Variants in TMEM63C observed in about 807,000 individuals in gnomAD.
TMEM63C encodes transmembrane protein 63C.
A neutral mutation model predicts 99.2 loss-of-function variants in TMEM63C; 32 were observed. That is an observed-to-expected ratio of 0.32 (90% CI 0.24 to 0.43). The LOEUF (loss-of-function observed/expected upper bound fraction) is 0.43. Among genes scored for constraint, TMEM63C ranks in the 20% least tolerant of loss-of-function variants. The probability of loss-of-function intolerance (pLI) is 1.00; values close to 1 mark genes in which losing one functional copy is unlikely to be tolerated. For synonymous variants in TMEM63C, 376 were observed against 397.9 expected (o/e 0.94, Z 0.66); for missense variants, 826 against 1,053.0 (o/e 0.78, Z 2.98).
intron 6 of TMEM63C, among the ~76,000 whole-genome samples, chr14:77,229,026 T>G (rs568935828): frequency 6.6e-6 from 1 of 152,272 alleles, no homozygotes; most frequent in African/African-American, 2.4e-5. Context: ...CATCGGAAAA[T>G]GCTTGAGATT....
chr14:77,181,861 C>A lies in TMEM63C; in HGVS notation c.-110C>A, dbSNP rs553893571. On this transcript the variant is annotated 5_prime_UTR_variant, in exon 1 of 24. The change creates a new upstream start codon in the 5' untranslated region. Coordinates refer to ENST00000298351, the MANE Select transcript of TMEM63C (RefSeq NM_020431.4). ...CAGCCTGGCGGCCTGAGCGCCGAGC[C>A]TGGGGCTGGGGCCGCGGTGCTGAGG... is the stretch of plus-strand genomic sequence containing the variant. 1 of 151,682 alleles carries A rather than the reference C, an allele frequency of 6.6e-6. No individual in the cohort carries two copies. Among genetic ancestry groups the A allele is most frequent in the South Asian group, 2.1e-4 (1 of 4,728 alleles). The allele number at this position is 151,682 out of a possible 1,614,324, so 9.4% of individuals were successfully genotyped here.
At chr14:77,228,524 T>C (rs1363861120) in intron 6 of TMEM63C, among the ~76,000 whole-genome samples, 1 of 150,048 alleles carries the variant, frequency 6.7e-6, no homozygotes, top group East Asian at 2.0e-4. Context: ...TTTTGTAGTA[T>C]TGTTTAAAAA....
At chr14:77,210,632 G>T (rs980716581) in intron 1 of TMEM63C, among the ~76,000 whole-genome samples, 1 of 152,026 alleles carries the variant, frequency 6.6e-6, no homozygotes, top group Non-Finnish European at 1.5e-5. Context: ...CTGAGAGGGG[G>T]TCCCTCCGTG....
At chr14:77,188,536 G>A (rs1345228808) in intron 1 of TMEM63C, among the ~76,000 whole-genome samples, 1 of 152,154 alleles carries the variant, frequency 6.6e-6, no homozygotes, top group African/African-American at 2.4e-5. Flanking sequence ...TAAGGAAACA[G>A]CTCCAAGGGT....
chr14:77,219,590 C>T lies in TMEM63C; in HGVS notation c.230+13C>T, dbSNP rs369782717. On this transcript the variant is annotated intron_variant, in intron 4 of 23. Transcript: ENST00000298351. ...TACACAATGACAGGTGAGGAGGGGT[C>T]GAGATGGGTGAGCCGTTGCCCCCTT... The T allele has an allele frequency of 5.7e-5, 92 of 1,613,454 alleles. No individual in the cohort carries two copies. The highest frequency in any genetic ancestry group is 5.5e-5 in the Non-Finnish European group (65 of 1,179,650).
chr14:77,246,511 G>C, intron 17 of TMEM63C, 98 bp from the exon 18 acceptor site: 1 of 1,018,238 alleles, frequency 9.8e-7, no homozygotes, highest in Non-Finnish European at 1.5e-6. Flanking sequence ...ATAAAGCAAG[G>C]GTCTTTCTTT....
At chr14:77,238,516 C>T (rs1889101153) in intron 9 of TMEM63C, among the ~76,000 whole-genome samples, 178 bp from the exon 10 acceptor site, 1 of 152,212 alleles carries the variant, frequency 6.6e-6, no homozygotes, top group African/African-American at 2.4e-5. Flanking sequence ...GCTGGCACTT[C>T]CTTGGCCCAC....
At chr14:77,225,328 C>T (rs1271453711) in intron 5 of TMEM63C, 96 bp from the exon 6 acceptor site, 38 of 1,165,310 alleles carry the variant, frequency 3.3e-5, no homozygotes, top group South Asian at 7.5e-5. Context: ...GACGCTGCCG[C>T]GGCTGCCTCA....
At chr14:77,188,871 C>CTTG in intron 1 of TMEM63C, among the ~76,000 whole-genome samples, 1 of 152,062 alleles carries the variant, frequency 6.6e-6, no homozygotes, top group African/African-American at 2.4e-5. Context: ...AAAGACAGAC[C>CTTG]TCAACCTCAA....
At position 77,253,322 on chromosome 14, in the gene TMEM63C, C is replaced by T; in HGVS notation, c.2166C>T (p.Ile722=). The part of the protein sequence containing the change: ...VADYEPEEEE[I]QTVFDMEPSS... The stretch of plus-strand genomic sequence containing the variant: ...TGCTGCAGCCCGAGGAGGAGGAGAT[C>T]CAGACAGTGTTTGACATGGAGCCAA... The change falls in exon 23 of 24, where the codon ATC becomes ATT. Residue 722 remains isoleucine (I), a synonymous_variant. Transcript: ENST00000298351. 1 of 1,613,106 alleles carries T rather than the reference C, an allele frequency of 6.2e-7. No homozygotes were observed. Among genetic ancestry groups the T allele is most frequent in the Non-Finnish European group, 8.5e-7 (1 of 1,179,672 alleles).
intron 15 of TMEM63C, 40 bp from the exon 16 acceptor site, chr14:77,244,309 A>G (rs764823392): frequency 6.9e-7 from 1 of 1,457,382 alleles, no homozygotes; most frequent in Non-Finnish European, 9.6e-7. Flanking sequence ...GGATGCTTGC[A>G]TTGACGTCTC....
intron 7 of TMEM63C, among the ~76,000 whole-genome samples, chr14:77,233,140 G>T (rs396750): frequency 0.095 from 14,462 of 152,204 alleles, 776 homozygotes; most frequent in African/African-American, 0.13. Context: ...TCATCATTCT[G>T]CTCGTGGCTG....
chr14:77,186,776 G>GGTGTGTGTGTGTGTGTGT (rs750331360), intron 1 of TMEM63C, among the ~76,000 whole-genome samples: 7,950 of 138,290 alleles, frequency 0.057, 289 homozygotes, highest in Admixed American at 0.089. Flanking sequence ...GAACCAAAGG[G>GGTGTGTGTGTGTGTGTGT]GTGTGTGTGT....
In TMEM63C at chr14:77,253,468, C is replaced by T. The variant is rs1889407427; in HGVS notation, c.2220+92C>T. 9 of 1,286,892 alleles carry T rather than the reference C, an allele frequency of 7.0e-6. No homozygotes were observed. The East Asian group carries it at 2.3e-4, about 32-fold the overall frequency. 79.7% of individuals were successfully genotyped at this position (1,286,892 alleles called of 1,614,324 possible). ...ATTGTGGGGGATGCCAGCTTTGCTG[C>T]CCACTCTGGGTATGGGGAAGGAGAT... On this transcript the variant is annotated intron_variant, in intron 23 of 23. Coordinates refer to ENST00000298351, the MANE Select transcript of TMEM63C (RefSeq NM_020431.4).
chr14:77,214,864 A>G (rs1888553227), intron 2 of TMEM63C, among the ~76,000 whole-genome samples: 1 of 151,904 alleles, frequency 6.6e-6, no homozygotes, highest in Non-Finnish European at 1.5e-5. Context: ...TCTGCTCTAC[A>G]CTTACTAGCC....
chr14:77,199,624 G>A (rs750856398), intron 1 of TMEM63C, among the ~76,000 whole-genome samples: 4 of 152,082 alleles, frequency 2.6e-5, no homozygotes, highest in Non-Finnish European at 4.4e-5. Context: ...TTGACCCCCC[G>A]GGCTGTGGTC....
intron 5 of TMEM63C, among the ~76,000 whole-genome samples, chr14:77,224,641 C>A (rs564011157): frequency 3.9e-5 from 6 of 152,118 alleles, no homozygotes; most frequent in Non-Finnish European, 7.3e-5. Flanking sequence ...CTAAGGCCAC[C>A]TTTCCCCACC....
chr14:77,203,482 C>T (rs1233243047), intron 1 of TMEM63C, among the ~76,000 whole-genome samples: 1 of 152,020 alleles, frequency 6.6e-6, no homozygotes, highest in Non-Finnish European at 1.5e-5. Context: ...GCAACAGTTT[C>T]TTGTGCATCC....
intron 20 of TMEM63C, 52 bp from the exon 21 acceptor site, chr14:77,249,239 A>G: frequency 1.9e-6 from 3 of 1,589,626 alleles, no homozygotes; most frequent in Non-Finnish European, 1.7e-6. Flanking sequence ...TGGAGCCACA[A>G]AGGTCCAGAC....
Sources: allele counts gnomAD v4.1 joint callset (sites outside exome capture counted in the v4.1 genomes callset), GRCh38; gene constraint gnomAD v4.1.1; transcripts MANE v1.5; gene names NCBI Gene and HGNC (gene_info 2026-07-23, HGNC 2026-07-21).